Variants in ADCY9 observed in about 807,000 individuals in gnomAD.
ADCY9 encodes adenylate cyclase 9.
A neutral mutation model predicts 101.5 loss-of-function variants in ADCY9; 50 were observed. The observed-to-expected ratio is 0.49, with a 90% CI of 0.39 to 0.62. The LOEUF (loss-of-function observed/expected upper bound fraction) is 0.62. ADCY9 is among the 20% of genes least tolerant of loss of function. The pLI, the probability that ADCY9 is intolerant of heterozygous loss-of-function variation, is 0.00. For missense variants in ADCY9, 1,662 were observed against 1,800.4 expected (o/e 0.92, Z 1.39); for synonymous variants, 905 against 769.3 (o/e 1.18, Z -2.92).
Position 3,983,545 on chromosome 16 carries a change from G to A in ADCY9, c.2311-105C>T, listed in dbSNP as rs911111576. On this transcript the variant is annotated intron_variant, in intron 6 of 10. Coordinates refer to ENST00000294016, the MANE Select transcript of ADCY9 (RefSeq NM_001116.4). The stretch of plus-strand genomic sequence containing the variant: ...ACACGTGCGGAGCACTGCTGCTCTG[G>A]GCCAGGCACAGGGCAGGAAGGCTCT... The A allele has an allele frequency of 1.5e-5, 15 of 974,632 alleles. No homozygotes were observed. The African/African-American group carries it at 2.3e-4, about 15-fold the overall frequency. The allele number at this position is 974,632 out of a possible 1,614,324, so 60.4% of individuals were successfully genotyped here.
At chr16:4,018,824 A>C (rs1031543430) in intron 2 of ADCY9, among the ~76,000 whole-genome samples, 1 of 152,248 alleles carries the variant, frequency 6.6e-6, no homozygotes, top group East Asian at 1.9e-4. Context: ...AGAAACCCAA[A>C]AACCTCCATT....
chr16:4,031,131 G>A (rs532806563), intron 2 of ADCY9, among the ~76,000 whole-genome samples: 29 of 152,206 alleles, frequency 1.9e-4, no homozygotes, highest in Non-Finnish European at 3.1e-4. Context: ...AAAGGATACT[G>A]TTAGATGCTG....
At chr16:4,107,114 C>T (rs895282812) in intron 2 of ADCY9, among the ~76,000 whole-genome samples, 1 of 152,224 alleles carries the variant, frequency 6.6e-6, no homozygotes, top group South Asian at 2.1e-4. Flanking sequence ...CAAATGGTCA[C>T]TGGGGGCAGC....
At chr16:3,987,755 A>C (rs948594672) in intron 6 of ADCY9, among the ~76,000 whole-genome samples, 1 of 152,172 alleles carries the variant, frequency 6.6e-6, no homozygotes, top group African/African-American at 2.4e-5. Context: ...ACGGAGTTTA[A>C]TGAAGACCTG....
intron 2 of ADCY9, among the ~76,000 whole-genome samples, chr16:4,041,285 C>A (rs2056624840): frequency 6.6e-6 from 1 of 152,028 alleles, no homozygotes; most frequent in Admixed American, 6.6e-5. Flanking sequence ...GGTGGATCAC[C>A]TGAGGTCAGG....
chr16:3,959,161 G>T (rs2055924573), downstream of ADCY9, among the ~76,000 whole-genome samples: 1 of 152,040 alleles, frequency 6.6e-6, no homozygotes, highest in South Asian at 2.1e-4. Flanking sequence ...AGGAATTTGA[G>T]ACCAGCCTGA....
At chr16:3,985,203 G>T (rs190350935) in intron 6 of ADCY9, among the ~76,000 whole-genome samples, 1 of 134,338 alleles carries the variant, frequency 7.4e-6, no homozygotes, top group Admixed American at 8.7e-5. Flanking sequence ...GCAGTGGCGC[G>T]ATCTTGGCTC....
intron 2 of ADCY9, among the ~76,000 whole-genome samples, chr16:4,027,953 A>G (rs1264598387): frequency 6.6e-6 from 1 of 151,980 alleles, no homozygotes; most frequent in Non-Finnish European, 1.5e-5. Flanking sequence ...CATGGGAATG[A>G]CCTGCCCCCA....
At chr16:4,056,788 A>G (rs2299669) in intron 2 of ADCY9, among the ~76,000 whole-genome samples, 55,887 of 151,930 alleles carry the variant, frequency 0.37, 10,711 homozygotes, top group Non-Finnish European at 0.41. Context: ...ATAATTCGGC[A>G]TGACGATGGA....
At chr16:4,030,737 A>C (rs2056549996) in intron 2 of ADCY9, among the ~76,000 whole-genome samples, 1 of 151,902 alleles carries the variant, frequency 6.6e-6, no homozygotes, top group Non-Finnish European at 1.5e-5. Flanking sequence ...TGCAGGTTCC[A>C]TTTGTACGAA....
intron 2 of ADCY9, among the ~76,000 whole-genome samples, chr16:4,112,202 C>A (rs1384947552): frequency 6.6e-6 from 1 of 152,200 alleles, no homozygotes; most frequent in African/African-American, 2.4e-5. Context: ...GACTCAAGAG[C>A]GAGTGCCACC....
At chr16:3,967,474 T>C (rs1597132613) in intron 10 of ADCY9, among the ~76,000 whole-genome samples, 1 of 152,092 alleles carries the variant, frequency 6.6e-6, no homozygotes, top group East Asian at 1.9e-4. Flanking sequence ...CACTGCAGCC[T>C]TAAACTCCTG....
At chr16:4,079,647 T>C (rs2056889574) in intron 2 of ADCY9, among the ~76,000 whole-genome samples, 1 of 152,020 alleles carries the variant, frequency 6.6e-6, no homozygotes, top group African/African-American at 2.4e-5. Flanking sequence ...CCATGAATGG[T>C]GTTTAATGGT....
chr16:4,081,728 GC>G, intron 2 of ADCY9, among the ~76,000 whole-genome samples: 1 of 149,898 alleles, frequency 6.7e-6, no homozygotes. Context: ...GTCTGCAGGG[GC>G]GTGTGGGTAA....
intron 2 of ADCY9, among the ~76,000 whole-genome samples, chr16:4,009,559 A>G (rs1472298237): frequency 6.6e-6 from 1 of 152,196 alleles, no homozygotes; most frequent in Non-Finnish European, 1.5e-5. Flanking sequence ...ACCTGGTCCA[A>G]TGAAAATCTT....
downstream of ADCY9, among the ~76,000 whole-genome samples, chr16:3,958,494 C>T (rs531484322): frequency 4.0e-4 from 58 of 143,300 alleles, no homozygotes; most frequent in South Asian, 0.011. Context: ...GAGCCGAGAT[C>T]GCGCCATTGC....
Position 4,000,968 on chromosome 16 carries a change from TACACACACACACAC to T in ADCY9, c.1884+6386_1884+6399del, listed in dbSNP as rs141254290. Reference sequence around the variant, plus strand: ...GCACATACATTTCCATCCCTCTCTCTACACACACACACACACACACACACACACACACACACACA... The same window carrying T: ...GCACATACATTTCCATCCCTCTCTCTACACACACACACACACACACACACA... On this transcript the variant is annotated intron_variant, in intron 3 of 10. Transcript: ENST00000294016. Among the ~76,000 whole-genome samples, 95 of 125,254 alleles carry T rather than the reference TACACACACACACAC, an allele frequency of 7.6e-4. 1 individual carries two copies. Among genetic ancestry groups the T allele is most frequent in the East Asian group, 1.2e-3 (5 of 4,102 alleles). 82.2% of individuals were successfully genotyped at this position (125,254 alleles called of 152,430 possible).
chr16:4,051,463 G>GC (rs1442173589), intron 2 of ADCY9, among the ~76,000 whole-genome samples: 1 of 151,298 alleles, frequency 6.6e-6, no homozygotes, highest in Admixed American at 6.6e-5. Flanking sequence ...GGCGGAGCTT[G>GC]CAATGAGCAG....
chr16:4,111,807 C>G (rs1286649573), intron 2 of ADCY9, among the ~76,000 whole-genome samples: 2 of 147,744 alleles, frequency 1.4e-5, no homozygotes, highest in Non-Finnish European at 3.0e-5. Flanking sequence ...CAAATTTACA[C>G]TATTTGAGGT....
Sources: allele counts gnomAD v4.1 joint callset (sites outside exome capture counted in the v4.1 genomes callset), GRCh38; gene constraint gnomAD v4.1.1; transcripts MANE v1.5; gene names NCBI Gene and HGNC (gene_info 2026-07-23, HGNC 2026-07-21).